MAP4K3: variants seen among roughly 807,000 people sequenced by gnomAD.
MAP4K3 encodes mitogen-activated protein kinase kinase kinase kinase 3, also known as MAPK/ERK kinase kinase kinase 3.
In MAP4K3, 94 loss-of-function variants were observed where a neutral mutation model predicts 143.5. The ratio of observed to expected loss-of-function variants is 0.65; its 90% CI spans 0.55 to 0.78. MAP4K3 has a LOEUF of 0.78. MAP4K3 is among the 30% of genes least tolerant of loss of function. The pLI, the probability that MAP4K3 is intolerant of heterozygous loss-of-function variation, is 0.00. For missense variants in MAP4K3, 1,077 were observed against 1,068.1 expected, an observed-to-expected ratio of 1.01 and a Z score of -0.12; for synonymous variants, 416 against 347.2, an observed-to-expected ratio of 1.20 and a Z score of -2.20.
At chr2:39,261,550 G>C (rs906310247) in intron 28 of MAP4K3, among the ~76,000 whole-genome samples, 3 of 152,162 alleles carry the variant, frequency 2.0e-5, no homozygotes, top group Non-Finnish European at 1.5e-5. Flanking sequence ...ACATAGAGTG[G>C]CATAGCCAGA....
Position 39,249,435 on chromosome 2 carries a change from CAA to C in MAP4K3, c.*1181_*1182del, listed in dbSNP as rs1299188593. ...ATAAAGAACATATACCAAAAAGAGC[CAA>C]AAGTGTGCATTTTGCTAAAACCTGG... On this transcript the variant is annotated 3_prime_UTR_variant, in exon 34 of 34. Coordinates refer to ENST00000263881, the MANE Select transcript of MAP4K3 (RefSeq NM_003618.4). 1.3e-5 allele frequency: 2 copies of C among 152,396 alleles called. No homozygotes were observed. The highest frequency in any genetic ancestry group is 2.9e-5 in the Non-Finnish European group (2 of 67,964). The allele number at this position is 152,396 out of a possible 1,614,324, so 9.4% of individuals were successfully genotyped here.
intron 4 of MAP4K3, 39 bp from the exon 5 acceptor site, chr2:39,337,620 A>G: frequency 7.2e-7 from 1 of 1,383,894 alleles, no homozygotes; most frequent in Non-Finnish European, 1.0e-6. Context: ...AAATTAGTCA[A>G]CGCATGTTTT....
chr2:39,264,650 G>A (rs995798880), intron 28 of MAP4K3, among the ~76,000 whole-genome samples: 3 of 152,132 alleles, frequency 2.0e-5, no homozygotes, highest in African/African-American at 7.2e-5. Context: ...AACTGAGCCT[G>A]TACTTCACAC....
At chr2:39,334,381 C>G (rs1431727028) in intron 6 of MAP4K3, among the ~76,000 whole-genome samples, 1 of 152,022 alleles carries the variant, frequency 6.6e-6, no homozygotes, top group Non-Finnish European at 1.5e-5. Flanking sequence ...TGGGAACCCT[C>G]CTACTCTCAA....
At position 39,292,814 on chromosome 2, in the gene MAP4K3, T is replaced by A. The variant is rs749727519; in HGVS notation, c.1230A>T (p.Ala410=). ...EEELHQRGHV[A]HLEDDEGDDD... is the part of the protein sequence containing the mutation. ...CATCTCCTTCATCATCTTCTAAATG[T>A]GCGACGTGTCCTCTAAATAAAAAGG... The change falls in exon 18 of 34, where the codon GCA becomes GCT. Residue 410 remains alanine, a synonymous_variant. Transcript: ENST00000263881. The A allele has an allele frequency of 1.9e-6, 3 of 1,612,680 alleles. No homozygotes were observed. Among genetic ancestry groups the A allele is most frequent in the Non-Finnish European group, 2.5e-6 (3 of 1,178,970 alleles).
intron 32 of MAP4K3, among the ~76,000 whole-genome samples, chr2:39,252,107 G>T (rs1199741361): frequency 1.3e-5 from 2 of 152,214 alleles, no homozygotes; most frequent in Non-Finnish European, 2.9e-5. Flanking sequence ...AAAGGAAAAT[G>T]ATTTCCTTGT....
intron 2 of MAP4K3, among the ~76,000 whole-genome samples, chr2:39,358,474 C>A (rs1366931208): frequency 6.6e-6 from 1 of 152,122 alleles, no homozygotes; most frequent in African/African-American, 2.4e-5. Context: ...TAATTGCCTA[C>A]ATATTATTCC....
chr2:39,433,545 G>C (rs1433963794), intron 1 of MAP4K3, among the ~76,000 whole-genome samples: 1 of 152,100 alleles, frequency 6.6e-6, no homozygotes, highest in Non-Finnish European at 1.5e-5. Context: ...AAACTTTTTT[G>C]AATGGCAAAC....
At position 39,314,183 on chromosome 2, in the gene MAP4K3, A is replaced by G. The variant is rs528942452; in HGVS notation, c.997+1127T>C. ...TAGCTGGGGTTACAGGTGCACATCA[A>G]CATGCCTGGCTAATTTTGGTAGCTT... is the stretch of plus-strand genomic sequence containing the variant. On this transcript the variant is annotated intron_variant, in intron 13 of 33. Transcript: ENST00000263881. Among the ~76,000 whole-genome samples, 13 of 152,106 alleles carry G rather than the reference A, an allele frequency of 8.5e-5. No individual in the cohort carries two copies. The South Asian group carries it at 2.7e-3, about 32-fold the overall frequency.
intron 16 of MAP4K3, among the ~76,000 whole-genome samples, chr2:39,299,445 C>G (rs1480260456): frequency 2.0e-5 from 3 of 152,110 alleles, no homozygotes; most frequent in African/African-American, 7.2e-5. Flanking sequence ...ATAAACAGAT[C>G]AGTTTTAGAA....
At chr2:39,284,429 C>A (rs1681676429) in intron 21 of MAP4K3, among the ~76,000 whole-genome samples, 2 of 151,978 alleles carry the variant, frequency 1.3e-5, no homozygotes, top group African/African-American at 4.8e-5. Context: ...CCAAAGTGTA[C>A]GGATTATAGG....
chr2:39,347,158 C>T (rs1313049025), intron 3 of MAP4K3, among the ~76,000 whole-genome samples: 2 of 152,176 alleles, frequency 1.3e-5, no homozygotes, highest in African/African-American at 4.8e-5. Flanking sequence ...GACGTCATCC[C>T]TGACAGCTAC....
chr2:39,429,013 C>T (rs760464682), intron 1 of MAP4K3, among the ~76,000 whole-genome samples: 25 of 128,266 alleles, frequency 1.9e-4, no homozygotes, highest in Non-Finnish European at 1.7e-4. Flanking sequence ...TGCAGCGACC[C>T]GAAATAGCGC....
rs146039718 is a variant in MAP4K3, at chr2:39,281,245, C to T, written c.1630-889G>A. On this transcript the variant is annotated intron_variant, in intron 22 of 33. Coordinates refer to ENST00000263881, the MANE Select transcript of MAP4K3 (RefSeq NM_003618.4). ...AGAAGGAATGTCTTCCTCACAAACA[C>T]GGAGGTAACATACTGAACGAAAACA... Among the ~76,000 whole-genome samples the T allele has an allele frequency of 6.4e-3, 973 of 152,222 alleles. 11 individuals carry two copies. Among genetic ancestry groups the T allele is most frequent in the African/African-American group, 0.022 (933 of 41,534 alleles).
intron 26 of MAP4K3, among the ~76,000 whole-genome samples, chr2:39,271,040 A>C (rs1042992608): frequency 2.0e-5 from 3 of 152,258 alleles, no homozygotes; most frequent in East Asian, 3.9e-4. Flanking sequence ...AGCTGAACAC[A>C]TGGGGAAAGG....
In MAP4K3 at chr2:39,378,091, T is replaced by C. The variant is rs941622035; in HGVS notation, c.129A>G (p.Ala43=). The change falls in exon 2 of 34, where the codon GCA becomes GCG. Residue 43 remains alanine (A), a synonymous_variant. Coordinates refer to ENST00000263881, the MANE Select transcript of MAP4K3 (RefSeq NM_003618.4). ...CTGGTTCCAATTTTATTACTTTAAT[T>C]GCTGCTAATTCACCAGTGTTAACAT... ...ARNVNTGELA[A]IKVIKLEPGE... 5 of 1,592,056 alleles carry C rather than the reference T, an allele frequency of 3.1e-6. No individual in the cohort carries two copies. Among genetic ancestry groups the C allele is most frequent in the African/African-American group, 2.7e-5 (2 of 73,988 alleles).
chr2:39,306,977 T>C (rs1023421648), intron 15 of MAP4K3, among the ~76,000 whole-genome samples: 5 of 152,216 alleles, frequency 3.3e-5, no homozygotes, highest in Admixed American at 3.3e-4. Context: ...TTTGTATGTG[T>C]AAGTATATTC....
chr2:39,339,538 C>CTT (rs1665080286), intron 4 of MAP4K3, among the ~76,000 whole-genome samples: 1 of 152,272 alleles, frequency 6.6e-6, no homozygotes, highest in South Asian at 2.1e-4. Flanking sequence ...TAAGCTAGGG[C>CTT]TTTAGCATTA....
intron 15 of MAP4K3, among the ~76,000 whole-genome samples, chr2:39,306,674 G>A (rs1165816146): frequency 6.6e-6 from 1 of 152,026 alleles, no homozygotes; most frequent in Non-Finnish European, 1.5e-5. Flanking sequence ...CAAAATCTCA[G>A]CTCTCTGCCT....
Sources: allele counts gnomAD v4.1 joint callset (sites outside exome capture counted in the v4.1 genomes callset), GRCh38; gene constraint gnomAD v4.1.1; transcripts MANE v1.5; gene names NCBI Gene and HGNC (gene_info 2026-07-23, HGNC 2026-07-21).